Variants in DHRSX observed in about 807,000 individuals in gnomAD.
The protein encoded by DHRSX is polyprenol dehydrogenase.
A neutral mutation model predicts 34.0 loss-of-function variants in DHRSX; 31 were observed. The ratio of observed to expected loss-of-function variants is 0.91; its 90% confidence interval spans 0.69 to 1.23. DHRSX has a LOEUF of 1.23. Ranked by LOEUF, DHRSX falls within the 50% of genes most tolerant of loss-of-function variation. The probability of loss-of-function intolerance (pLI) is 0.00; values close to 1 mark genes in which losing one functional copy is unlikely to be tolerated. For missense variants in DHRSX, 414 were observed against 428.1 expected (o/e 0.97, Z 0.29); for synonymous variants, 201 against 183.8 (o/e 1.09, Z -0.76).
chrX:2,359,491 C>G (rs770441003), intron 3 of DHRSX, among the ~76,000 whole-genome samples: 52 of 152,058 alleles, frequency 3.4e-4, no homozygotes, highest in African/African-American at 1.2e-3. Flanking sequence ...GTCTGGCCAA[C>G]ACATGGTGAA....
intron 3 of DHRSX, among the ~76,000 whole-genome samples, chrX:2,384,217 G>A (rs2043244779): frequency 6.6e-6 from 1 of 152,150 alleles, no homozygotes; most frequent in South Asian, 2.1e-4. Flanking sequence ...AGACACTCTA[G>A]GATCGACTGT....
At chrX:2,489,592 C>T in intron 1 of DHRSX, 1 of 1,612,642 alleles carries the variant, frequency 6.2e-7, no homozygotes, top group Non-Finnish European at 8.5e-7. Flanking sequence ...TGCTGTCCTC[C>T]ACCAAGACCC....
intron 4 of DHRSX, among the ~76,000 whole-genome samples, chrX:2,276,243 A>G (rs555574163): frequency 1.3e-5 from 2 of 152,296 alleles, no homozygotes; most frequent in Admixed American, 1.3e-4. Flanking sequence ...ACAAGTTTTA[A>G]TCATCAGCAA....
intron 1 of DHRSX, among the ~76,000 whole-genome samples, chrX:2,451,376 A>G (rs2124676570): frequency 6.6e-6 from 1 of 152,264 alleles, no homozygotes; most frequent in African/African-American, 2.4e-5. Flanking sequence ...AGTCTACACG[A>G]ATATAAAGAA....
rs187921871 is a variant in DHRSX at position 2,266,772 on chromosome X, G to A, written c.564C>T (p.Val188=). The change falls in exon 5 of 7, where the codon GTC becomes GTT. Residue 188 remains valine (V), a synonymous_variant. Transcript: ENST00000334651. ...VVTVSSATHY[V]AELNMDDLQS... ...GAAGGTCATCCATGTTCAGCTCAGCGACGTAATGGGTGGCAGAGGAGACGG... is the reference window on the plus strand; with the variant it reads ...GAAGGTCATCCATGTTCAGCTCAGCAACGTAATGGGTGGCAGAGGAGACGG... 1.1e-5 allele frequency: 17 copies of A among 1,613,986 alleles called. No individual in the cohort carries two copies. The East Asian group carries it at 1.3e-4, about 13-fold the overall frequency.
At chrX:2,363,705 C>CGCCA (rs2042965313) in intron 3 of DHRSX, among the ~76,000 whole-genome samples, 2 of 142,252 alleles carry the variant, frequency 1.4e-5, no homozygotes, top group Admixed American at 1.4e-4. Context: ...GGTATCATGC[C>CGCCA]TCCATTTTAT....
intron 3 of DHRSX, among the ~76,000 whole-genome samples, chrX:2,335,777 G>A (rs2042552130): frequency 6.6e-6 from 1 of 151,554 alleles, no homozygotes; most frequent in East Asian, 2.0e-4. Flanking sequence ...TAAAACGGGA[G>A]GCAAGTTTGC....
At chrX:2,257,826 C>T (rs2041299822) in intron 5 of DHRSX, among the ~76,000 whole-genome samples, 3 of 152,054 alleles carry the variant, frequency 2.0e-5, no homozygotes, top group South Asian at 2.1e-4. Flanking sequence ...GGGGTTTCAC[C>T]GTGTTGTCCA....
At chrX:2,465,844 A>T (rs1287359655) in intron 1 of DHRSX, among the ~76,000 whole-genome samples, 2 of 151,062 alleles carry the variant, frequency 1.3e-5, no homozygotes, top group Non-Finnish European at 2.9e-5. Context: ...GAAAACAGAC[A>T]TATTCATGCT....
chrX:2,475,564 G>T (rs35168637), intron 1 of DHRSX, among the ~76,000 whole-genome samples: 31,562 of 150,032 alleles, frequency 0.21, 4,425 homozygotes, highest in African/African-American at 0.4. Context: ...ACCGCCGCCA[G>T]GTACACAATG....
chrX:2,386,180 T>TTTAC (rs1458003458), intron 3 of DHRSX, among the ~76,000 whole-genome samples: 1 of 150,640 alleles, frequency 6.6e-6, no homozygotes, highest in African/African-American at 2.4e-5. Flanking sequence ...TATTTATTTA[T>TTTAC]TTATTTATTT....
At chrX:2,276,781 A>G (rs1298895836) in intron 4 of DHRSX, among the ~76,000 whole-genome samples, 21 of 149,424 alleles carry the variant, frequency 1.4e-4, no homozygotes, top group South Asian at 1.3e-3. Context: ...AGGAAGAGAG[A>G]AGGAGAGGGA....
chrX:2,437,166 T>G (rs2044002135), intron 1 of DHRSX, among the ~76,000 whole-genome samples: 1 of 151,988 alleles, frequency 6.6e-6, no homozygotes, highest in Non-Finnish European at 1.5e-5. Flanking sequence ...CCTGACTAAT[T>G]TTTTTTGCAT....
intron 6 of DHRSX, among the ~76,000 whole-genome samples, chrX:2,227,659 G>A (rs1271453363): frequency 1.1e-5 from 1 of 92,312 alleles, no homozygotes; most frequent in Non-Finnish European, 2.1e-5. Flanking sequence ...AAGGAGGAAG[G>A]AAGGAAAAGA....
chrX:2,477,614 G>A (rs2044700414), intron 1 of DHRSX, among the ~76,000 whole-genome samples: 1 of 152,188 alleles, frequency 6.6e-6, no homozygotes, highest in Non-Finnish European at 1.5e-5. Context: ...GGGAGGCCGA[G>A]GCGGATGGAT....
At chrX:2,317,587 G>C (rs1215673719) in intron 3 of DHRSX, among the ~76,000 whole-genome samples, 2 of 151,478 alleles carry the variant, frequency 1.3e-5, no homozygotes, top group African/African-American at 4.9e-5. Context: ...GAGGGCTTTG[G>C]TATAGAAAGG....
chrX:2,317,263 T>TTTG (rs1359407571), intron 3 of DHRSX, among the ~76,000 whole-genome samples: 1 of 116,864 alleles, frequency 8.6e-6, no homozygotes, highest in East Asian at 2.5e-4. Context: ...TGGCTTTTTT[T>TTTG]TTTTTTGAGA....
At chrX:2,432,545 A>G (rs5982580) in intron 1 of DHRSX, among the ~76,000 whole-genome samples, 17,752 of 152,142 alleles carry the variant, frequency 0.12, 1,870 homozygotes, top group African/African-American at 0.29. Context: ...ACAATTTCCA[A>G]AAATAGGCCA....
intron 6 of DHRSX, among the ~76,000 whole-genome samples, chrX:2,231,699 A>G (rs111161791): frequency 0.87 from 127,886 of 147,164 alleles, 55,782 homozygotes; most frequent in African/African-American, 0.96. Context: ...TTGCCTTTTC[A>G]CTCTCTATTC....
Sources: allele counts gnomAD v4.1 joint callset (sites outside exome capture counted in the v4.1 genomes callset), GRCh38; gene constraint gnomAD v4.1.1; transcripts MANE v1.5; gene names NCBI Gene and HGNC (gene_info 2026-07-23, HGNC 2026-07-21).